The following TRMT11 variants were observed in gnomAD, a reference collection of about 807,000 sequenced individuals.
The protein encoded by TRMT11 is tRNA methyltransferase 11.
In TRMT11, 53 loss-of-function variants were observed where a neutral mutation model predicts 62.8. The ratio of observed to expected loss-of-function variants is 0.84; its 90% CI spans 0.68 to 1.06. TRMT11 has a LOEUF of 1.06. Among genes scored for constraint, TRMT11 ranks in the 50% least tolerant of loss-of-function variants. TRMT11 has a pLI of 0.00. For missense variants in TRMT11, 556 were observed against 553.4 expected (o/e 1.00, Z -0.05); for synonymous variants, 188 against 190.3 (o/e 0.99, Z 0.10).
intron 17 of TRMT11, among the ~76,000 whole-genome samples, chr6:126,054,417 T>C (rs1776310091): frequency 2.0e-5 from 3 of 152,182 alleles, no homozygotes; most frequent in Admixed American, 2.0e-4. Flanking sequence ...TGGTAAGAGA[T>C]TGCCCAGATA....
At chr6:126,178,767 C>T (rs1392097884) in intron 1 of TRMT11, among the ~76,000 whole-genome samples, 2 of 152,036 alleles carry the variant, frequency 1.3e-5, no homozygotes. Flanking sequence ...GCTTGGGGAG[C>T]ATAAACCTGG....
chr6:126,123,586 A>C (rs1777675422), intron 21 of TRMT11, among the ~76,000 whole-genome samples: 1 of 152,036 alleles, frequency 6.6e-6, no homozygotes, highest in African/African-American at 2.4e-5. Flanking sequence ...ATAGTGGACT[A>C]TCTCTGTTTT....
the TRMT11 span, among the ~76,000 whole-genome samples, chr6:126,217,653 C>G: frequency 6.6e-6 from 1 of 152,142 alleles, no homozygotes; most frequent in East Asian, 1.9e-4. Flanking sequence ...CACAAGCACC[C>G]CTGTAGCTAC....
intron 12 of TRMT11, among the ~76,000 whole-genome samples, chr6:126,031,286 T>G (rs1047476213): frequency 1.3e-5 from 2 of 152,226 alleles, no homozygotes; most frequent in African/African-American, 4.8e-5. Flanking sequence ...TTTTGTATAC[T>G]TTATTTCTCT....
intron 9 of TRMT11, 67 bp from the exon 10 acceptor site, chr6:126,012,704 G>A (rs762971979): frequency 5.9e-6 from 7 of 1,181,396 alleles, no homozygotes; most frequent in Non-Finnish European, 8.7e-6. Context: ...AGGCAGCATG[G>A]CTGTTTGCCC....
chr6:126,261,993 G>A, the TRMT11 span, among the ~76,000 whole-genome samples: 1 of 152,230 alleles, frequency 6.6e-6, no homozygotes, highest in Non-Finnish European at 1.5e-5. Flanking sequence ...GCATGGGTTT[G>A]TGTGAGTACA....
chr6:126,149,612 G>A (rs1237886360), intron 21 of TRMT11, among the ~76,000 whole-genome samples: 1 of 152,142 alleles, frequency 6.6e-6, no homozygotes, highest in East Asian at 1.9e-4. Flanking sequence ...CCACTGCATT[G>A]GTTCACTGGT....
intron 17 of TRMT11, among the ~76,000 whole-genome samples, chr6:126,104,075 A>G (rs58714770): frequency 0.09 from 13,668 of 152,188 alleles, 1,087 homozygotes; most frequent in African/African-American, 0.22. Flanking sequence ...TAGAAAACTG[A>G]TTCTGATCTC....
At chr6:126,222,047 G>T in the TRMT11 span, among the ~76,000 whole-genome samples, 1 of 152,172 alleles carries the variant, frequency 6.6e-6, no homozygotes, top group Non-Finnish European at 1.5e-5. Flanking sequence ...AGTTATTCTA[G>T]CACCATTTAT....
intron 17 of TRMT11, among the ~76,000 whole-genome samples, chr6:126,094,401 T>C (rs1027538186): frequency 6.6e-6 from 1 of 152,210 alleles, no homozygotes; most frequent in Non-Finnish European, 1.5e-5. Flanking sequence ...ATCATACATA[T>C]ATAATTGGCA....
chr6:126,231,999 TTTTGTGGATCAGC>T, the TRMT11 span, among the ~76,000 whole-genome samples: 1 of 152,188 alleles, frequency 6.6e-6, no homozygotes, highest in Non-Finnish European at 1.5e-5. Context: ...GATTTTCTGT[TTTTGTGGATCAGC>T]TTTGATCTTA....
the TRMT11 span, among the ~76,000 whole-genome samples, chr6:126,210,377 G>T: frequency 3.3e-5 from 5 of 152,258 alleles, no homozygotes; most frequent in South Asian, 6.2e-4. Flanking sequence ...TTATTTCAAC[G>T]ACCAGTGAGT....
At chr6:126,080,041 T>G (rs1027377409) in intron 17 of TRMT11, among the ~76,000 whole-genome samples, 1 of 152,160 alleles carries the variant, frequency 6.6e-6, no homozygotes, top group African/African-American at 2.4e-5. Context: ...TCTGCTAGTG[T>G]ATTTTTTTAT....
In TRMT11 at chr6:126,093,623, A is replaced by ATTTTTTT. The variant is rs1301464523; in HGVS notation, c.*1438-19242_*1438-19241insTTTTTTT. On this transcript the variant is annotated intron_variant and NMD_transcript_variant, in intron 17 of 22. Transcript: ENST00000648977. ...TATATATATATATATATATATATAT[A>ATTTTTTT]TATATATATTTTCCCCCAGTCCTGG... Among the ~76,000 whole-genome samples, 33 of 101,178 alleles carry ATTTTTTT rather than the reference A, an allele frequency of 3.3e-4. 1 individual carries two copies. Among genetic ancestry groups the ATTTTTTT allele is most frequent in the African/African-American group, 1.8e-3 (33 of 18,436 alleles). 66.4% of individuals were successfully genotyped at this position (101,178 alleles called of 152,430 possible).
At chr6:126,190,293 A>G (rs1231521047) in intron 1 of TRMT11, among the ~76,000 whole-genome samples, 4 of 152,162 alleles carry the variant, frequency 2.6e-5, no homozygotes, top group African/African-American at 9.7e-5. Flanking sequence ...GGGAGGGACC[A>G]GGTGGGAGGT....
In TRMT11 at chr6:126,038,702, C is replaced by A. The variant is rs755343318; in HGVS notation, c.1261-3C>A. 3.3e-5 allele frequency: 51 copies of A among 1,539,770 alleles called. No homozygotes were observed. In the East Asian group the frequency reaches 1.2e-3, roughly 36 times the overall value. ...TTACATTTTGTATTTTCCAACCAAA[C>A]AGAATCGGGACCAGTATTCACATCT... On this transcript the variant is annotated splice_polypyrimidine_tract_variant and splice_region_variant and intron_variant, in intron 12 of 12. Transcript: ENST00000334379.
At chr6:126,100,936 G>A (rs1441768197) in intron 17 of TRMT11, among the ~76,000 whole-genome samples, 1 of 152,096 alleles carries the variant, frequency 6.6e-6, no homozygotes, top group East Asian at 1.9e-4. Flanking sequence ...TTCTCATAAG[G>A]AGCATGCAAC....
chr6:126,210,335 G>C, the TRMT11 span, among the ~76,000 whole-genome samples: 2 of 152,192 alleles, frequency 1.3e-5, no homozygotes, highest in Admixed American at 1.3e-4. Flanking sequence ...CAGGAGCTGA[G>C]GGTCTCAGTC....
At chr6:126,223,079 G>A in the TRMT11 span, among the ~76,000 whole-genome samples, 10 of 152,188 alleles carry the variant, frequency 6.6e-5, no homozygotes, top group South Asian at 2.1e-4. Context: ...CTTCACTTAC[G>A]AAGCCTAGTT....
Sources: gnomAD v4.1 joint callset for allele counts (sites outside exome capture counted in the v4.1 genomes callset) on GRCh38, gnomAD v4.1.1 for gene constraint, MANE v1.5 for transcripts, NCBI Gene and HGNC (gene_info 2026-07-23, HGNC 2026-07-21) for gene names.